TMED10: variants seen among roughly 807,000 people sequenced by gnomAD.
TMED10 encodes transmembrane p24 trafficking protein 10, also known as transmembrane emp24 domain-containing protein 10.
In TMED10, 7 loss-of-function variants were observed where a neutral mutation model predicts 23.1. The ratio of observed to expected loss-of-function variants is 0.30; its 90% CI spans 0.17 to 0.57. TMED10 has a LOEUF of 0.57. TMED10 is among the 20% of genes least tolerant of loss of function. TMED10 has a pLI of 0.91. For synonymous variants in TMED10, 113 were observed against 106.9 expected, an observed-to-expected ratio of 1.06 and a Z score of -0.35; for missense variants, 162 against 274.8, an observed-to-expected ratio of 0.59 and a Z score of 2.90.
intron 1 of TMED10, among the ~76,000 whole-genome samples, chr14:75,164,846 G>A (rs1896141613): frequency 6.6e-6 from 1 of 150,444 alleles, no homozygotes; most frequent in African/African-American, 2.5e-5. Context: ...AGAGAGAAAG[G>A]GGTAGTCAGG....
At position 75,147,007 on chromosome 14, in the gene TMED10, T is replaced by C. The variant is rs903688586; in HGVS notation, c.411+657A>G. 2.9e-4 allele frequency among the ~76,000 whole-genome samples: 44 copies of C among 152,092 alleles called. 2 individuals are homozygous for C. The highest frequency in any genetic ancestry group is 7.4e-5 in the Non-Finnish European group (5 of 68,026). Reference sequence around the variant, plus strand: ...TAAAAACAAATCACTTTTCTTAACCTTGGGCATTAACAAATAACTGAATTC... The same window carrying C: ...TAAAAACAAATCACTTTTCTTAACCCTGGGCATTAACAAATAACTGAATTC... On this transcript the variant is annotated intron_variant, in intron 3 of 4. Transcript: ENST00000303575.
At chr14:75,141,693 T>C (rs1003566717) in intron 3 of TMED10, among the ~76,000 whole-genome samples, 1 of 152,196 alleles carries the variant, frequency 6.6e-6, no homozygotes, top group African/African-American at 2.4e-5. Flanking sequence ...ATTCTGTAAG[T>C]ACTAGAAATT....
At chr14:75,172,186 G>A (rs1031937204) in intron 1 of TMED10, among the ~76,000 whole-genome samples, 1 of 152,154 alleles carries the variant, frequency 6.6e-6, no homozygotes, top group Non-Finnish European at 1.5e-5. Context: ...TAAAAAAGGA[G>A]GTGAGAGGAA....
chr14:75,159,639 A>T (rs1457353618), intron 1 of TMED10, among the ~76,000 whole-genome samples: 1 of 152,230 alleles, frequency 6.6e-6, no homozygotes, highest in East Asian at 1.9e-4. Context: ...TCTCTACATC[A>T]TAAAGGAGCT....
intron 1 of TMED10, among the ~76,000 whole-genome samples, chr14:75,175,657 G>A (rs926708328): frequency 5.3e-5 from 8 of 151,848 alleles, no homozygotes; most frequent in African/African-American, 1.9e-4. Context: ...GAGTTAATGG[G>A]TGCAGCACAC....
chr14:75,159,333 C>G (rs548336381), intron 1 of TMED10, among the ~76,000 whole-genome samples: 2 of 152,278 alleles, frequency 1.3e-5, no homozygotes, highest in Admixed American at 6.5e-5. Flanking sequence ...TTACAGGTTG[C>G]TGAAAATGTC....
chr14:75,154,890 C>T (rs1896003492), intron 1 of TMED10, among the ~76,000 whole-genome samples: 1 of 151,472 alleles, frequency 6.6e-6, no homozygotes, highest in East Asian at 1.9e-4. Flanking sequence ...GTCTTGATCT[C>T]CTGACCTCGT....
chr14:75,170,666 T>C (rs1282289025), intron 1 of TMED10, among the ~76,000 whole-genome samples: 2 of 152,072 alleles, frequency 1.3e-5, no homozygotes, highest in African/African-American at 4.8e-5. Context: ...ACCCAAAAAC[T>C]CTTGGACAAC....
At chr14:75,136,426 T>TGG (rs1169337593) in intron 3 of TMED10, among the ~76,000 whole-genome samples, 1 of 152,230 alleles carries the variant, frequency 6.6e-6, no homozygotes, top group Non-Finnish European at 1.5e-5. Context: ...CCCAAAGTGT[T>TGG]GGGACTACAA....
intron 1 of TMED10, among the ~76,000 whole-genome samples, chr14:75,164,554 TATATATATATATATATATA>T (rs1896129846): frequency 1.8e-3 from 4 of 2,206 alleles, no homozygotes; most frequent in African/African-American, 3.3e-3. Flanking sequence ...TATATATATA[TATATATATATATATATATA>T]TATATTTTTT....
intron 1 of TMED10, among the ~76,000 whole-genome samples, chr14:75,171,430 C>T (rs924762832): frequency 1.3e-5 from 2 of 152,034 alleles, no homozygotes; most frequent in Non-Finnish European, 2.9e-5. Context: ...CAGGTGTGCA[C>T]CACCATGCCC....
intron 3 of TMED10, 113 bp from the exon 4 acceptor site, chr14:75,135,999 TATCA>T (rs1895744696): frequency 1.4e-6 from 2 of 1,423,496 alleles, no homozygotes; most frequent in African/African-American, 1.4e-5. Context: ...AATTCTCTCC[TATCA>T]ATCATCCTAA....
chr14:75,174,054 T>C (rs886997535), intron 1 of TMED10, among the ~76,000 whole-genome samples: 1 of 152,168 alleles, frequency 6.6e-6, no homozygotes, highest in Non-Finnish European at 1.5e-5. Flanking sequence ...TTGAGGTGCC[T>C]TCAGCAGCCC....
At chr14:75,164,552 T>C (rs1896128864) in intron 1 of TMED10, among the ~76,000 whole-genome samples, 1 of 4,842 alleles carries the variant, frequency 2.1e-4, no homozygotes, top group African/African-American at 9.3e-4. Context: ...TATATATATA[T>C]ATATATATAT....
chr14:75,172,354 T>A (rs1379757171), intron 1 of TMED10, among the ~76,000 whole-genome samples: 1 of 151,612 alleles, frequency 6.6e-6, no homozygotes, highest in Non-Finnish European at 1.5e-5. Context: ...GTAGCCCAGG[T>A]AGGAGTGCAG....
chr14:75,172,727 C>A (rs1262740342), intron 1 of TMED10, among the ~76,000 whole-genome samples: 6 of 152,104 alleles, frequency 3.9e-5, no homozygotes, highest in Non-Finnish European at 8.8e-5. Flanking sequence ...TACTTTAATA[C>A]AATTTAGCAT....
At chr14:75,154,425 A>AAAAAAAAAAAAAAAAAAAAC in intron 1 of TMED10, among the ~76,000 whole-genome samples, 1 of 147,140 alleles carries the variant, frequency 6.8e-6, no homozygotes, top group Non-Finnish European at 1.5e-5. Flanking sequence ...AAAAAAAAAA[A>AAAAAAAAAAAAAAAAAAAAC]AAAAAGGCAT....
chr14:75,167,414 C>G (rs1171984860), intron 1 of TMED10, among the ~76,000 whole-genome samples: 2 of 151,758 alleles, frequency 1.3e-5, no homozygotes, highest in East Asian at 1.9e-4. Context: ...GCCTCTCTCT[C>G]TTTTCTCCTC....
intron 3 of TMED10, chr14:75,136,849 T>C (rs191595392): frequency 5.3e-5 from 8 of 152,270 alleles, no homozygotes; most frequent in Non-Finnish European, 1.0e-4. Context: ...GAGAAAGAAA[T>C]TAACTGTCTT....
Sources: gnomAD v4.1 joint callset for allele counts (sites outside exome capture counted in the v4.1 genomes callset) on GRCh38, gnomAD v4.1.1 for gene constraint, MANE v1.5 for transcripts, NCBI Gene and HGNC (gene_info 2026-07-23, HGNC 2026-07-21) for gene names.